ANO3: variants seen among roughly 807,000 people sequenced by gnomAD.
ANO3 encodes the protein anoctamin-3.
Under a neutral mutation model 144.8 loss-of-function variants are expected in ANO3, and 99 were observed. That is an observed-to-expected ratio of 0.68 (90% CI 0.58 to 0.81). The LOEUF is 0.81. ANO3 is among the 30% of genes least tolerant of loss of function. The probability of loss-of-function intolerance (pLI) is 0.00; values close to 1 mark genes in which losing one functional copy is unlikely to be tolerated. For missense variants in ANO3, 905 were observed against 1,202.2 expected, an observed-to-expected ratio of 0.75 and a Z score of 3.66; for synonymous variants, 414 against 392.6, an observed-to-expected ratio of 1.05 and a Z score of -0.64.
rs758883241 is a variant in ANO3, at chr11:26,525,635, G to GA, written c.699dup (p.Cys234MetfsTer5). 9 of 1,608,820 alleles carry GA rather than the reference G, an allele frequency of 5.6e-6. No individual in the cohort carries two copies. In the African/African-American group the frequency reaches 8.0e-5, roughly 14 times the overall value. ...TAGCTGTTTTCTATTATTTTTTCAG[G>GA]AAAAAATGCTATTACACTGACGGGA... On this transcript the variant is annotated frameshift_variant and splice_region_variant, in exon 7 of 27. Coordinates refer to ENST00000256737, the MANE Select transcript of ANO3 (RefSeq NM_031418.4). LOFTEE classifies it high-confidence loss of function.
upstream of ANO3, among the ~76,000 whole-genome samples, chr11:26,305,057 C>A (rs1366248462): frequency 6.7e-6 from 1 of 149,428 alleles, no homozygotes; most frequent in Admixed American, 6.7e-5. Flanking sequence ...TCTCATTTTA[C>A]AGAGATAGAA....
rs531649899 is a variant in ANO3, at chr11:26,457,386, C to T, written c.314-5644C>T. Among the ~76,000 whole-genome samples, 172 of 150,256 alleles carry T rather than the reference C, an allele frequency of 1.1e-3. No homozygotes were observed. In the Middle Eastern group the frequency reaches 0.014, roughly 12 times the overall value. ...GATTAAATTTAAAATTTTCCACTGG[C>T]ATACTCGAGGTAATTACATTGTTTC... On this transcript the variant is annotated intron_variant, in intron 3 of 26. Transcript: ENST00000256737.
At chr11:26,295,422 G>A (rs1453715223) in intron 1 of ANO3, among the ~76,000 whole-genome samples, 16 of 150,602 alleles carry the variant, frequency 1.1e-4, no homozygotes, top group African/African-American at 3.9e-4. Flanking sequence ...CTACTCCGGA[G>A]GCTGAGGCAG....
At chr11:26,475,486 A>T (rs1859928822) in intron 4 of ANO3, among the ~76,000 whole-genome samples, 1 of 152,050 alleles carries the variant, frequency 6.6e-6, no homozygotes, top group African/African-American at 2.4e-5. Flanking sequence ...GGCAAAATTA[A>T]TCACAGAGAA....
intron 1 of ANO3, among the ~76,000 whole-genome samples, chr11:26,399,919 C>T (rs1346714983): frequency 6.6e-6 from 1 of 151,986 alleles, no homozygotes; most frequent in Non-Finnish European, 1.5e-5. Context: ...ACTTAAACTA[C>T]CCATATTCTA....
intron 4 of ANO3, among the ~76,000 whole-genome samples, chr11:26,505,642 T>A (rs1298995727): frequency 6.6e-6 from 1 of 152,028 alleles, no homozygotes; most frequent in East Asian, 1.9e-4. Context: ...TTGTACCAAG[T>A]AGGTGAGAGT....
chr11:26,189,382 C>G (rs548558938), intron 1 of ANO3: 1 of 919,814 alleles, frequency 1.1e-6, no homozygotes, highest in Admixed American at 6.2e-5. Context: ...TATGTTTGTA[C>G]TTCTTTAATG....
chr11:26,528,219 C>T (rs954986923), intron 7 of ANO3, among the ~76,000 whole-genome samples: 7 of 152,024 alleles, frequency 4.6e-5, no homozygotes, highest in Non-Finnish European at 5.9e-5. Context: ...TTCTGTGCCC[C>T]GTGGTGTCAG....
At chr11:26,563,145 CG>C (rs759863371) in intron 14 of ANO3, 1 of 1,611,732 alleles carries the variant, frequency 6.2e-7, no homozygotes, top group Non-Finnish European at 8.5e-7. Context: ...ATAAAGTCGC[CG>C]ATGGGAAAAT....
chr11:26,564,728 CACACATATAT>C (rs1196522487), intron 14 of ANO3, among the ~76,000 whole-genome samples: 175 of 35,940 alleles, frequency 4.9e-3, no homozygotes, highest in Non-Finnish European at 6.5e-3. Flanking sequence ...CACACACACA[CACACATATAT>C]ATATATATAT....
intron 1 of ANO3, among the ~76,000 whole-genome samples, chr11:26,350,984 G>A (rs1167377939): frequency 6.6e-6 from 1 of 151,994 alleles, no homozygotes; most frequent in African/African-American, 2.4e-5. Flanking sequence ...TGATATGTAG[G>A]GAGAACTTTT....
At chr11:26,596,193 T>TTCTC (rs55783310) in intron 14 of ANO3, among the ~76,000 whole-genome samples, 67,087 of 151,602 alleles carry the variant, frequency 0.44, 15,647 homozygotes, top group East Asian at 0.68. Flanking sequence ...CTCTCTTTCT[T>TTCTC]CTTTGACTTT....
At chr11:26,608,435 G>A (rs1851997583) in intron 17 of ANO3, among the ~76,000 whole-genome samples, 1 of 152,116 alleles carries the variant, frequency 6.6e-6, no homozygotes, top group African/African-American at 2.4e-5. Flanking sequence ...CGGAGTACAG[G>A]GGCAATATAA....
chr11:26,217,592 G>A (rs1852059553), intron 1 of ANO3, among the ~76,000 whole-genome samples: 1 of 151,940 alleles, frequency 6.6e-6, no homozygotes, highest in Non-Finnish European at 1.5e-5. Flanking sequence ...TCTACATGAG[G>A]ATAATAATAA....
intron 17 of ANO3, among the ~76,000 whole-genome samples, chr11:26,622,606 GA>G (rs760818533): frequency 1.3e-5 from 2 of 151,938 alleles, no homozygotes; most frequent in Non-Finnish European, 2.9e-5. Flanking sequence ...ACTTTGTCTC[GA>G]AAATAAATAA....
chr11:26,436,262 A>G lies in ANO3; in HGVS notation c.47-5656A>G, dbSNP rs1320492182. Among the ~76,000 whole-genome samples the G allele has an allele frequency of 3.9e-5, 6 of 152,200 alleles. No homozygotes were observed. The East Asian group carries it at 1.2e-3, about 29-fold the overall frequency. The stretch of plus-strand genomic sequence containing the variant: ...GCAAGGGCTAGTGCTGTGAGAGAGC[A>G]AAGATGGTAACCTGCCCCTCACACC... On this transcript the variant is annotated intron_variant, in intron 1 of 26. Transcript: ENST00000256737.
intron 1 of ANO3, among the ~76,000 whole-genome samples, chr11:26,251,239 T>C (rs566159762): frequency 6.6e-6 from 1 of 152,252 alleles, no homozygotes; most frequent in South Asian, 2.1e-4. Flanking sequence ...CCTATGTATA[T>C]TCAAGAAAAT....
At chr11:26,451,510 C>G (rs1858937610) in intron 3 of ANO3, among the ~76,000 whole-genome samples, 1 of 152,172 alleles carries the variant, frequency 6.6e-6, no homozygotes, top group South Asian at 2.1e-4. Context: ...GATCAAACTG[C>G]AAGGCGGCAG....
chr11:26,190,967 A>G (rs1264919809), intron 1 of ANO3, among the ~76,000 whole-genome samples: 1 of 152,186 alleles, frequency 6.6e-6, no homozygotes, highest in East Asian at 1.9e-4. Flanking sequence ...ATTTGTATGC[A>G]TATTGGTTAA....
Sources: allele counts gnomAD v4.1 joint callset (sites outside exome capture counted in the v4.1 genomes callset), GRCh38; gene constraint gnomAD v4.1.1; transcripts MANE v1.5; gene names NCBI Gene and HGNC (gene_info 2026-07-23, HGNC 2026-07-21).